PLEKHA5: variants seen among roughly 807,000 people sequenced by gnomAD.
PLEKHA5 encodes the protein pleckstrin homology domain-containing family A member 5.
PLEKHA5 carries 55 observed loss-of-function variants against 181.9 expected under a neutral mutation model. That is an observed-to-expected ratio of 0.30 (90% CI 0.24 to 0.38). The LOEUF (loss-of-function observed/expected upper bound fraction) is 0.38, where lower values mean the gene tolerates loss of function less well. Among genes scored for constraint, PLEKHA5 ranks in the 10% least tolerant of loss-of-function variants. The probability of loss-of-function intolerance (pLI) is 1.00; values close to 1 mark genes in which losing one functional copy is unlikely to be tolerated. For missense variants in PLEKHA5, 1,432 were observed against 1,549.5 expected (o/e 0.92, Z 1.27); for synonymous variants, 535 against 529.4 (o/e 1.01, Z -0.15).
At chr12:19,255,247 A>G (rs1000042966) in intron 5 of PLEKHA5, 82 bp downstream of exon 5, 1 of 787,360 alleles carries the variant, frequency 1.3e-6, no homozygotes, top group African/African-American at 1.8e-5. Flanking sequence ...TTAAAAGTAT[A>G]GAATAATAAT....
At chr12:19,221,836 G>A (rs2058988253) in intron 3 of PLEKHA5, among the ~76,000 whole-genome samples, 1 of 152,150 alleles carries the variant, frequency 6.6e-6, no homozygotes, top group Admixed American at 6.6e-5. Context: ...AAGAAAGTCT[G>A]GGGAACTATC....
chr12:19,174,166 GA>G (rs2046643735), intron 3 of PLEKHA5, among the ~76,000 whole-genome samples: 1 of 152,124 alleles, frequency 6.6e-6, no homozygotes, highest in Non-Finnish European at 1.5e-5. Flanking sequence ...TACAAGGATT[GA>G]AAAATTAAAA....
At chr12:19,312,716 T>C (rs2087010659) in intron 15 of PLEKHA5, among the ~76,000 whole-genome samples, 1 of 152,244 alleles carries the variant, frequency 6.6e-6, no homozygotes, top group Admixed American at 6.5e-5. Flanking sequence ...ACTTTCTCCC[T>C]ATTAGCAGCA....
intron 15 of PLEKHA5, among the ~76,000 whole-genome samples, chr12:19,304,438 T>A (rs1271920455): frequency 6.6e-6 from 1 of 152,226 alleles, no homozygotes; most frequent in African/African-American, 2.4e-5. Flanking sequence ...AATATTTTAA[T>A]CTAGATCCAA....
intron 3 of PLEKHA5, among the ~76,000 whole-genome samples, chr12:19,244,563 T>C (rs1309236320): frequency 6.6e-6 from 1 of 152,244 alleles, no homozygotes; most frequent in Non-Finnish European, 1.5e-5. Context: ...AATTGCCAAA[T>C]GGCAGCTGCC....
intron 3 of PLEKHA5, chr12:19,153,223 A>G (rs895759532): frequency 1.3e-5 from 2 of 152,114 alleles, no homozygotes; most frequent in African/African-American, 4.8e-5. Context: ...CTCTATTTCT[A>G]CTTTAGTAAG....
intron 7 of PLEKHA5, among the ~76,000 whole-genome samples, chr12:19,262,570 A>C (rs2068838882): frequency 6.6e-6 from 1 of 152,134 alleles, no homozygotes. Context: ...TGCAACAAAA[A>C]CCACTGAATT....
At chr12:19,198,261 C>A (rs1038074489) in intron 3 of PLEKHA5, among the ~76,000 whole-genome samples, 9 of 152,192 alleles carry the variant, frequency 5.9e-5, no homozygotes, top group African/African-American at 2.2e-4. Context: ...CCCTAGTTGA[C>A]TTTTCTACTT....
At chr12:19,184,439 A>G (rs1463907080) in intron 3 of PLEKHA5, among the ~76,000 whole-genome samples, 3 of 152,176 alleles carry the variant, frequency 2.0e-5, no homozygotes, top group Non-Finnish European at 4.4e-5. Flanking sequence ...TACATGTGAG[A>G]TACAGCTATG....
intron 21 of PLEKHA5, among the ~76,000 whole-genome samples, chr12:19,340,406 G>A (rs1252973305): frequency 7.0e-6 from 1 of 142,228 alleles, no homozygotes; most frequent in African/African-American, 2.5e-5. Context: ...CCCCGTCCGG[G>A]AGGTGAGGGG....
At chr12:19,298,408 CTTTTTTT>C (rs533661916) in intron 15 of PLEKHA5, among the ~76,000 whole-genome samples, 40 of 106,312 alleles carry the variant, frequency 3.8e-4, no homozygotes, top group Admixed American at 1.6e-3. Flanking sequence ...ATTTTTTTAG[CTTTTTTT>C]TTTTTTTTTT....
chr12:19,144,758 T>G (rs1287395580), intron 3 of PLEKHA5, among the ~76,000 whole-genome samples: 1 of 152,142 alleles, frequency 6.6e-6, no homozygotes. Flanking sequence ...AGGATTTAGG[T>G]GAGGAAGTGG....
chr12:19,312,536 T>C (rs1303199362), intron 15 of PLEKHA5, among the ~76,000 whole-genome samples: 2 of 152,238 alleles, frequency 1.3e-5, no homozygotes, highest in Admixed American at 6.5e-5. Flanking sequence ...TGGAGATGGC[T>C]TCTTTCCATA....
At chr12:19,167,596 A>G (rs1206495301) in intron 3 of PLEKHA5, among the ~76,000 whole-genome samples, 1 of 151,326 alleles carries the variant, frequency 6.6e-6, no homozygotes, top group Non-Finnish European at 1.5e-5. Context: ...AATTTCATTC[A>G]CTCAGCCCAA....
rs768467402 is a variant in PLEKHA5 at position 19,283,427 on chromosome 12, C to A, written c.1461C>A (p.Asp487Glu). The stretch of plus-strand genomic sequence containing the variant: ...GCAGTGTAACCCCTTCCACTCATGA[C>A]AAGACATTAGGACCCGGAGCGGAGG... ...SICSVTPSTH[D>E]KTLGPGAEEK... Residue 487 changes from aspartate (D) to glutamate (E), a missense_variant, in exon 12 of 32, where the codon GAC becomes GAA. Asp to Glu is a conservative substitution (Grantham distance 45). Transcript: ENST00000429027. 4 of 1,614,032 alleles carry A rather than the reference C, an allele frequency of 2.5e-6. No homozygotes were observed. The highest frequency in any genetic ancestry group is 3.4e-6 in the Non-Finnish European group (4 of 1,180,010).
At chr12:19,211,886 A>T (rs2056979590) in intron 3 of PLEKHA5, among the ~76,000 whole-genome samples, 1 of 152,180 alleles carries the variant, frequency 6.6e-6, no homozygotes. Context: ...CTGCCTTATC[A>T]TGCCAGCTAA....
Position 19,362,552 on chromosome 12 carries a change from A to AT in PLEKHA5, c.3608+846_3608+847insT, listed in dbSNP as rs1044731651. On this transcript the variant is annotated intron_variant, in intron 29 of 31. Coordinates refer to ENST00000429027, the MANE Select transcript of PLEKHA5 (RefSeq NM_001256470.2). The stretch of plus-strand genomic sequence containing the variant: ...CCATCTCAAAAGAAAAGGAAAAAAA[A>AT]AGAAAATACATGTACAGCACTTTAC... Among the ~76,000 whole-genome samples, 479 of 152,074 alleles carry AT rather than the reference A, an allele frequency of 3.1e-3. 2 individuals are homozygous for AT. Among genetic ancestry groups the AT allele is most frequent in the African/African-American group, 0.011 (468 of 41,474 alleles).
intron 3 of PLEKHA5, among the ~76,000 whole-genome samples, chr12:19,232,246 G>A (rs1000368167): frequency 2.0e-5 from 3 of 152,200 alleles, no homozygotes; most frequent in African/African-American, 7.2e-5. Flanking sequence ...AATTTTGTTG[G>A]TTATGCTGAT....
chr12:19,245,488 G>A (rs2063494856), intron 3 of PLEKHA5, among the ~76,000 whole-genome samples: 1 of 151,902 alleles, frequency 6.6e-6, no homozygotes, highest in Non-Finnish European at 1.5e-5. Context: ...GGAGATTTTG[G>A]GAAACTTAGA....
Sources: allele counts gnomAD v4.1 joint callset (sites outside exome capture counted in the v4.1 genomes callset), GRCh38; gene constraint gnomAD v4.1.1; transcripts MANE v1.5; gene names NCBI Gene and HGNC (gene_info 2026-07-23, HGNC 2026-07-21).